MTHFD1L: variants seen among roughly 807,000 people sequenced by gnomAD.
The protein encoded by MTHFD1L is methylenetetrahydrofolate dehydrogenase (NADP+ dependent) 1 like.
In MTHFD1L, 81 loss-of-function variants were observed where a neutral mutation model predicts 119.5. The observed-to-expected ratio is 0.68, with a 90% CI of 0.57 to 0.82. The LOEUF (loss-of-function observed/expected upper bound fraction) is 0.82, where lower values mean the gene tolerates loss of function less well. Ranked by LOEUF, MTHFD1L falls within the 40% of genes least tolerant of loss-of-function variation. MTHFD1L has a pLI of 0.00. For missense variants in MTHFD1L, 1,125 were observed against 1,253.4 expected (o/e 0.90, Z 1.55); for synonymous variants, 430 against 475.2 (o/e 0.90, Z 1.24).
intron 11 of MTHFD1L, chr6:150,935,571 C>T: frequency 6.9e-7 from 1 of 1,458,538 alleles, no homozygotes; most frequent in Non-Finnish European, 9.3e-7. Flanking sequence ...AGATGAATAT[C>T]AATATCTATT....
intron 8 of MTHFD1L, among the ~76,000 whole-genome samples, chr6:150,909,258 A>T (rs1786457096): frequency 1.3e-5 from 2 of 150,386 alleles, no homozygotes; most frequent in African/African-American, 4.9e-5. Flanking sequence ...CTGTAAGAGT[A>T]ACTACTTTAA....
chr6:151,015,640 G>A lies in MTHFD1L; in HGVS notation c.2533G>A (p.Val845Met). The A allele has an allele frequency of 6.2e-7, 1 of 1,614,154 alleles. No individual in the cohort carries two copies. Among genetic ancestry groups the A allele is most frequent in the Non-Finnish European group, 8.5e-7 (1 of 1,180,014 alleles). Residue 845 changes from valine (V) to methionine (M), a missense_variant, in exon 24 of 28, where the codon GTG (valine) becomes ATG (methionine). Val to Met is a conservative substitution (Grantham distance 21). Transcript: ENST00000367321. ...AGGATCGGTGGACTTGGCTCGGGCT[G>A]TGAGAGAGGCTGCGAGTAAAAGAAG... Reference protein sequence around the residue: ...GKGSVDLARAVREAASKRSRF... With the variant: ...GKGSVDLARAMREAASKRSRF...
intron 26 of MTHFD1L, among the ~76,000 whole-genome samples, chr6:151,066,089 A>G (rs1342936129): frequency 6.6e-6 from 1 of 152,192 alleles, no homozygotes; most frequent in Admixed American, 6.5e-5. Context: ...TGATCTCCAT[A>G]CTCACAAACA....
intron 20 of MTHFD1L, among the ~76,000 whole-genome samples, chr6:150,974,906 T>C (rs1483858108): frequency 1.3e-5 from 2 of 149,258 alleles, no homozygotes; most frequent in African/African-American, 4.9e-5. Flanking sequence ...CCAGCTAATT[T>C]TTGTATTTTT....
intron 25 of MTHFD1L, 105 bp from the exon 26 acceptor site, chr6:151,036,860 C>G: frequency 1.6e-6 from 2 of 1,242,982 alleles, no homozygotes; most frequent in Non-Finnish European, 2.3e-6. Flanking sequence ...GTGCCTCGAT[C>G]TGAGCCGGCA....
At chr6:151,031,687 A>T (rs933304391) in intron 24 of MTHFD1L, among the ~76,000 whole-genome samples, 9 of 152,222 alleles carry the variant, frequency 5.9e-5, no homozygotes, top group African/African-American at 2.2e-4. Context: ...AACAAGTTTT[A>T]AATTTTGCTG....
rs1387134966 is a variant in MTHFD1L at position 150,887,997 on chromosome 6, G to C, written c.780+16G>C. ...TCAAAGCAAGGTAAATTTCATGTTA[G>C]AAACATACATCTTGAAGGCTTCTGT... On this transcript the variant is annotated intron_variant, in intron 7 of 27. Transcript: ENST00000367321. 5 of 1,589,882 alleles carry C rather than the reference G, an allele frequency of 3.1e-6. No individual in the cohort carries two copies. The Admixed American group carries it at 9.2e-5, about 29-fold the overall frequency.
At chr6:151,089,042 C>T (rs913494381) in intron 26 of MTHFD1L, among the ~76,000 whole-genome samples, 2 of 152,044 alleles carry the variant, frequency 1.3e-5, no homozygotes, top group African/African-American at 4.8e-5. Flanking sequence ...GGTTTGTCAC[C>T]GTGAGTAGAG....
intron 26 of MTHFD1L, among the ~76,000 whole-genome samples, chr6:151,091,671 A>G (rs1185421385): frequency 6.6e-6 from 1 of 152,152 alleles, no homozygotes; most frequent in Non-Finnish European, 1.5e-5. Flanking sequence ...GGGAAGCTCA[A>G]TGAGATTATT....
chr6:151,051,175 C>A (rs756221889), intron 26 of MTHFD1L, among the ~76,000 whole-genome samples: 22 of 152,152 alleles, frequency 1.4e-4, no homozygotes, highest in Admixed American at 2.6e-4. Flanking sequence ...AGAGCAAAAT[C>A]ACCCCTATCA....
chr6:150,999,915 A>G (rs972536011), intron 20 of MTHFD1L, among the ~76,000 whole-genome samples: 5 of 152,124 alleles, frequency 3.3e-5, no homozygotes, highest in Non-Finnish European at 1.5e-5. Flanking sequence ...TACTTTCTCT[A>G]TCGCTTTTCC....
At chr6:150,956,616 G>A (rs1292296425) in intron 17 of MTHFD1L, among the ~76,000 whole-genome samples, 1 of 151,968 alleles carries the variant, frequency 6.6e-6, no homozygotes, top group Non-Finnish European at 1.5e-5. Flanking sequence ...TGGCACTTAG[G>A]GAATACAAAT....
intron 1 of MTHFD1L, 94 bp downstream of exon 1, chr6:150,866,143 C>T: frequency 7.1e-7 from 1 of 1,416,628 alleles, no homozygotes; most frequent in South Asian, 1.4e-5. Flanking sequence ...GAGCGGGGCG[C>T]GGGGCTGCGA....
At chr6:150,892,909 T>C (rs1056791041) in intron 7 of MTHFD1L, among the ~76,000 whole-genome samples, 1 of 151,182 alleles carries the variant, frequency 6.6e-6, no homozygotes, top group African/African-American at 2.4e-5. Context: ...ATGTGGATTG[T>C]ACCACTCAAT....
At chr6:150,913,417 G>A (rs1042851075) in intron 8 of MTHFD1L, among the ~76,000 whole-genome samples, 4 of 151,860 alleles carry the variant, frequency 2.6e-5, no homozygotes, top group African/African-American at 4.8e-5. Flanking sequence ...CGCCCGACTC[G>A]GCCTCCCAAA....
chr6:150,952,951 A>T (rs1019379744), intron 16 of MTHFD1L, among the ~76,000 whole-genome samples: 5 of 152,184 alleles, frequency 3.3e-5, no homozygotes, highest in African/African-American at 1.2e-4. Context: ...AAATATAGAC[A>T]TACAGCCATT....
chr6:150,876,574 C>T (rs1780480649), intron 2 of MTHFD1L, among the ~76,000 whole-genome samples: 1 of 152,286 alleles, frequency 6.6e-6, no homozygotes, highest in Admixed American at 6.5e-5. Context: ...AATCTTTTTA[C>T]TCTATCTTTT....
At chr6:151,044,058 T>G (rs1584287043) in intron 26 of MTHFD1L, among the ~76,000 whole-genome samples, 1 of 151,736 alleles carries the variant, frequency 6.6e-6, no homozygotes, top group South Asian at 2.1e-4. Context: ...GTCAGTGCCA[T>G]GTAGGGCACC....
chr6:150,961,051 C>A (rs1796360949), intron 18 of MTHFD1L, among the ~76,000 whole-genome samples: 1 of 146,440 alleles, frequency 6.8e-6, no homozygotes, highest in Admixed American at 6.8e-5. Flanking sequence ...TTCTTTTCTT[C>A]TTCGTCTTTC....
Sources: gnomAD v4.1 joint callset for allele counts (sites outside exome capture counted in the v4.1 genomes callset) on GRCh38, gnomAD v4.1.1 for gene constraint, MANE v1.5 for transcripts, NCBI Gene and HGNC (gene_info 2026-07-23, HGNC 2026-07-21) for gene names.